COX7A1: variants seen among roughly 807,000 people sequenced by gnomAD.
The protein encoded by COX7A1 is cytochrome c oxidase subunit 7A1, mitochondrial.
In COX7A1, 21 loss-of-function variants were observed where a neutral mutation model predicts 13.2. The ratio of observed to expected loss-of-function variants is 1.59; its 90% CI spans 1.13 to 2.29. COX7A1 has a LOEUF of 2.29. Among genes scored for constraint, COX7A1 ranks in the 30% most tolerant of loss-of-function variants. The pLI, the probability that COX7A1 is intolerant of heterozygous loss-of-function variation, is 0.00. For missense variants in COX7A1, 107 were observed against 100.0 expected, an observed-to-expected ratio of 1.07 and a Z score of -0.30; for synonymous variants, 41 against 41.9, an observed-to-expected ratio of 0.98 and a Z score of 0.08.
At chr19:36,152,321 C>T in intron 1 of COX7A1, 72 bp downstream of exon 1, 1 of 1,140,542 alleles carries the variant, frequency 8.8e-7, no homozygotes, top group South Asian at 3.2e-5. Context: ...GATGCGGGGG[C>T]ACTTGGAGAG....
chr19:36,151,659 G>GCCCCCCCCCCCCCCC lies in COX7A1; in HGVS notation c.102+9_102+10insGGGGGGGGGGGGGGG. The GCCCCCCCCCCCCCCC allele has an allele frequency of 7.6e-7, 1 of 1,309,774 alleles. No homozygotes were observed. Among genetic ancestry groups the GCCCCCCCCCCCCCCC allele is most frequent in the East Asian group, 2.5e-5 (1 of 40,698 alleles). 81.1% of individuals were successfully genotyped at this position (1,309,774 alleles called of 1,614,324 possible). A position where few individuals can be genotyped will look rare whatever the true frequency, so the allele number is the denominator to read the frequency against. On this transcript the variant is annotated intron_variant, in intron 2 of 3. Coordinates refer to ENST00000292907, the MANE Select transcript of COX7A1 (RefSeq NM_001864.4). ...GGCGCGTCGGATCCCCACCCCCCCCGACCCCCCACCTGGAAGAGCTTCTGT... is the reference window on the plus strand; with the variant it reads ...GGCGCGTCGGATCCCCACCCCCCCCGCCCCCCCCCCCCCCCACCCCCCACCTGGAAGAGCTTCTGT...
chr19:36,151,999 A>G, intron 1 of COX7A1: 1 of 633,572 alleles, frequency 1.6e-6, no homozygotes, highest in Non-Finnish European at 2.9e-6. Flanking sequence ...GAGAGGACCC[A>G]GAAGGACTTT....
At chr19:36,151,920 G>T (rs1974779498) in intron 1 of COX7A1, 165 bp from the exon 2 acceptor site, 2 of 748,620 alleles carry the variant, frequency 2.7e-6, no homozygotes, top group South Asian at 3.0e-5. Context: ...ACTGCCAGCT[G>T]GGTTGGGAGG....
At chr19:36,151,374 TC>T in intron 3 of COX7A1, 87 bp downstream of exon 3, 1 of 1,435,892 alleles carries the variant, frequency 7.0e-7, no homozygotes, top group South Asian at 1.2e-5. Context: ...CCAACCCAGA[TC>T]CTGGTCAGTC....
chr19:36,151,687 C>T lies in COX7A1; in HGVS notation c.84G>A (p.Glu28=). 1.2e-6 allele frequency: 1 copy of T among 845,120 alleles called. No individual in the cohort carries two copies. The highest frequency in any genetic ancestry group is 1.8e-6 in the Non-Finnish European group (1 of 555,002). The allele number at this position is 845,120 out of a possible 1,614,324, so 52.4% of individuals were successfully genotyped here. The change falls in exon 2 of 4, where the codon GAG becomes GAA. Residue 28 remains glutamate, a synonymous_variant. Transcript: ENST00000292907. Reference sequence around the variant, plus strand: ...CCCCCACCTGGAAGAGCTTCTGTTTCTCGCGCACTCGGTTCTGAAAGCGGT... The same window carrying T: ...CCCCCACCTGGAAGAGCTTCTGTTTTTCGCGCACTCGGTTCTGAAAGCGGT... The part of the protein sequence containing the change: ...ARNRFQNRVR[E]KQKLFQEDND...
chr19:36,151,615 G>A, intron 2 of COX7A1, 54 bp downstream of exon 2: 1 of 1,610,048 alleles, frequency 6.2e-7, no homozygotes, highest in Admixed American at 1.7e-5. Context: ...GCCTGCCCCG[G>A]CTCGGCGCGC....
At chr19:36,151,645 T>TAG in intron 2 of COX7A1, 24 bp downstream of exon 2, 2 of 1,387,610 alleles carry the variant, frequency 1.4e-6, no homozygotes, top group Non-Finnish European at 2.0e-6. Flanking sequence ...GCGCGTCGGA[T>TAG]CCCCACCCCC....
chr19:36,151,594 G>T (rs776697632), intron 2 of COX7A1, 48 bp from the exon 3 acceptor site: 2 of 1,612,392 alleles, frequency 1.2e-6, no homozygotes, highest in Non-Finnish European at 1.7e-6. Flanking sequence ...CTGCTCCTTA[G>T]AGCGCGCCCC....
rs17885488 is a variant in COX7A1 at position 36,150,933 on chromosome 19, G to A, written c.*49C>T. The A allele has an allele frequency of 6.1e-5, 96 of 1,578,724 alleles. No homozygotes were observed. Among genetic ancestry groups the A allele is most frequent in the South Asian group, 2.5e-4 (23 of 90,338 alleles). ...AACACAGACACACACAGAGGCCAGC[G>A]TTTATTGACACTTGTTCAAGTCTCT... On this transcript the variant is annotated 3_prime_UTR_variant, in exon 4 of 4. Coordinates refer to ENST00000292907, the MANE Select transcript of COX7A1 (RefSeq NM_001864.4).
At position 36,151,666 on chromosome 19, in the gene COX7A1, C is replaced by CCCCCCCCCCGA; in HGVS notation, c.102+2_102+3insTCGGGGGGGGG. 6.3e-7 allele frequency: 1 copy of CCCCCCCCCCGA among 1,584,896 alleles called. No homozygotes were observed. Among genetic ancestry groups the CCCCCCCCCCGA allele is most frequent in the Non-Finnish European group, 8.6e-7 (1 of 1,162,710 alleles). Reference sequence around the variant, plus strand: ...CGGATCCCCACCCCCCCCGACCCCCCACCTGGAAGAGCTTCTGTTTCTCGC... The same window carrying CCCCCCCCCCGA: ...CGGATCCCCACCCCCCCCGACCCCCCCCCCCCCCCGAACCTGGAAGAGCTTCTGTTTCTCGC... On this transcript the variant is annotated splice_region_variant and intron_variant, in intron 2 of 3. Transcript: ENST00000292907.
Position 36,152,377 on chromosome 19 carries a change from C to T in COX7A1, c.15+16G>A, listed in dbSNP as rs1157155933. 3 of 1,348,412 alleles carry T rather than the reference C, an allele frequency of 2.2e-6. No individual in the cohort carries two copies. The highest frequency in any genetic ancestry group is 3.0e-5 in the Admixed American group (1 of 32,858). 83.5% of individuals were successfully genotyped at this position (1,348,412 alleles called of 1,614,324 possible). A position where few individuals can be genotyped will look rare whatever the true frequency, so the allele number is the denominator to read the frequency against. ...TTCTGGGTGGGGGGCTCCGGCCCAG[C>T]CCATGGGGGCCTCACCCGAAGGGCC... is the stretch of plus-strand genomic sequence containing the variant. On this transcript the variant is annotated intron_variant, in intron 1 of 3. Coordinates refer to ENST00000292907, the MANE Select transcript of COX7A1 (RefSeq NM_001864.4).
In COX7A1 at chr19:36,151,767, G is replaced by C. The variant is rs201977124; in HGVS notation, c.16-12C>G. On this transcript the variant is annotated splice_polypyrimidine_tract_variant and intron_variant, in intron 1 of 3. Transcript: ENST00000292907. ...AGCGCCTGGGACACCTGCGGGGTGGGAGGTGGGCGGGTATTGGAGGCACCT... is the reference window on the plus strand; with the variant it reads ...AGCGCCTGGGACACCTGCGGGGTGGCAGGTGGGCGGGTATTGGAGGCACCT... 1 of 1,588,676 alleles carries C rather than the reference G, an allele frequency of 6.3e-7. No individual in the cohort carries two copies. Among genetic ancestry groups the C allele is most frequent in the Non-Finnish European group, 8.6e-7 (1 of 1,167,852 alleles).
At position 36,151,983 on chromosome 19, in the gene COX7A1, G is replaced by A. The variant is rs1026424455; in HGVS notation, c.16-228C>T. 9.2e-6 allele frequency: 6 copies of A among 653,904 alleles called. No individual in the cohort carries two copies. The African/African-American group carries it at 1.1e-4, about 12-fold the overall frequency. 40.5% of individuals were successfully genotyped at this position (653,904 alleles called of 1,614,324 possible). The stretch of plus-strand genomic sequence containing the variant: ...GTGACCGGGCTGCCTAGAGGGTCCT[G>A]GAAGGGAGAGGACCCAGAAGGACTT... On this transcript the variant is annotated intron_variant, in intron 1 of 3. Coordinates refer to ENST00000292907, the MANE Select transcript of COX7A1 (RefSeq NM_001864.4).
At chr19:36,152,365 G>C in intron 1 of COX7A1, 28 bp downstream of exon 1, 1 of 1,328,160 alleles carries the variant, frequency 7.5e-7, no homozygotes, top group Non-Finnish European at 9.7e-7. Flanking sequence ...TGGGTGGGGG[G>C]CTCCGGCCCA....
In COX7A1 at chr19:36,151,703, T is replaced by G. The variant is rs933983257; in HGVS notation, c.68A>C (p.Gln23Pro). Residue 23 changes from glutamine (Q) to proline (P), a missense_variant, in exon 2 of 4, where the codon CAG becomes CCG. Gln to Pro is a moderately conservative substitution (Grantham distance 76). Coordinates refer to ENST00000292907, the MANE Select transcript of COX7A1 (RefSeq NM_001864.4). ...SFSSTARNRFQNRVREKQKLF... is the reference protein window; with the variant it reads ...SFSSTARNRFPNRVREKQKLF... ...CTTCTGTTTCTCGCGCACTCGGTTC[T>G]GAAAGCGGTTCCGGGCGGTGGAGCT... The G allele has an allele frequency of 6.7e-7, 1 of 1,496,766 alleles. No individual in the cohort carries two copies. The highest frequency in any genetic ancestry group is 1.1e-5 in the South Asian group (1 of 88,824). The allele number at this position is 1,496,766 out of a possible 1,614,324, so 92.7% of individuals were successfully genotyped here.
At position 36,152,304 on chromosome 19, in the gene COX7A1, G is replaced by A. The variant is rs1213627120; in HGVS notation, c.15+89C>T. On this transcript the variant is annotated intron_variant, in intron 1 of 3. Transcript: ENST00000292907. ...GCCCTGAAGGTGGCTCACGTTCCAA[G>A]GCCCTAGATGCGGGGGCACTTGGAG... is the stretch of plus-strand genomic sequence containing the variant. 5 of 993,142 alleles carry A rather than the reference G, an allele frequency of 5.0e-6. No homozygotes were observed. The African/African-American group carries it at 6.7e-5, about 13-fold the overall frequency. 61.5% of individuals were successfully genotyped at this position (993,142 alleles called of 1,614,324 possible).
chr19:36,151,645 T>TCCCCCCGCCC, intron 2 of COX7A1, 24 bp downstream of exon 2: 2 of 1,387,632 alleles, frequency 1.4e-6, no homozygotes, highest in Non-Finnish European at 2.0e-6. Context: ...GCGCGTCGGA[T>TCCCCCCGCCC]CCCCACCCCC....
At chr19:36,152,013 C>T in intron 1 of COX7A1, 1 of 618,566 alleles carries the variant, frequency 1.6e-6, no homozygotes, top group Non-Finnish European at 3.0e-6. Context: ...GGACTTTGTT[C>T]TGGGGGGCCT....
At chr19:36,151,645 T>A in intron 2 of COX7A1, 24 bp downstream of exon 2, 1 of 1,387,630 alleles carries the variant, frequency 7.2e-7, no homozygotes, top group Non-Finnish European at 9.9e-7. Flanking sequence ...GCGCGTCGGA[T>A]CCCCACCCCC....
Sources: gnomAD v4.1 joint callset for allele counts on GRCh38, gnomAD v4.1.1 for gene constraint, MANE v1.5 for transcripts, NCBI Gene and HGNC (gene_info 2026-07-23, HGNC 2026-07-21) for gene names.